AOAH: variants seen among roughly 807,000 people sequenced by gnomAD.
AOAH encodes acyloxyacyl hydrolase (neutrophil).
AOAH carries 64 observed loss-of-function variants against 92.2 expected under a neutral mutation model. The observed-to-expected ratio is 0.69, with a 90% confidence interval of 0.57 to 0.86. The LOEUF (loss-of-function observed/expected upper bound fraction) is 0.86. Ranked by LOEUF, AOAH falls within the 40% of genes least tolerant of loss-of-function variation. The pLI is 0.00. For synonymous variants in AOAH, 263 were observed against 254.5 expected, an observed-to-expected ratio of 1.03 and a Z score of -0.32; for missense variants, 656 against 694.6, an observed-to-expected ratio of 0.94 and a Z score of 0.62.
intron 11 of AOAH, among the ~76,000 whole-genome samples, chr7:36,600,897 T>A (rs1478249266): frequency 6.6e-6 from 1 of 152,200 alleles, no homozygotes; most frequent in Non-Finnish European, 1.5e-5. Context: ...CTTTCTCTTG[T>A]ATGGAGACCG....
At chr7:36,577,519 T>A (rs940666979) in intron 12 of AOAH, among the ~76,000 whole-genome samples, 1 of 152,182 alleles carries the variant, frequency 6.6e-6, no homozygotes, top group African/African-American at 2.4e-5. Flanking sequence ...CTCATATATG[T>A]TGAATCTCTG....
At chr7:36,542,424 T>G (rs1436190034) in intron 15 of AOAH, among the ~76,000 whole-genome samples, 1 of 152,190 alleles carries the variant, frequency 6.6e-6, no homozygotes, top group East Asian at 1.9e-4. Context: ...TAATACAGAT[T>G]GTGAACCAGA....
intron 1 of AOAH, 48 bp downstream of exon 1, chr7:36,723,974 C>G (rs1343166866): frequency 6.3e-7 from 1 of 1,583,448 alleles, no homozygotes; most frequent in African/African-American, 1.4e-5. Context: ...AGTACTGGAT[C>G]CCATTGTTAT....
In AOAH at chr7:36,574,181, G is replaced by A. The variant is rs151327983; in HGVS notation, c.1021+2393C>T. Among the ~76,000 whole-genome samples the A allele has an allele frequency of 5.0e-3, 766 of 152,208 alleles. 6 individuals are homozygous for A. The highest frequency in any genetic ancestry group is 0.018 in the African/African-American group (735 of 41,520). ...CTATTACAGTCTTAGAAAAATAGTC[G>A]AGGATAGTAATACTAGACAAAGTAT... On this transcript the variant is annotated intron_variant, in intron 13 of 20. Transcript: ENST00000617537.
At chr7:36,599,647 T>C (rs898441460) in intron 11 of AOAH, 4 of 152,150 alleles carry the variant, frequency 2.6e-5, no homozygotes, top group African/African-American at 9.7e-5. Context: ...TGGGGGATTG[T>C]TACTTTACCA....
chr7:36,521,390 A>G (rs1784100757), intron 20 of AOAH, among the ~76,000 whole-genome samples: 2 of 152,212 alleles, frequency 1.3e-5, no homozygotes, highest in South Asian at 4.1e-4. Flanking sequence ...CATACAACAG[A>G]TAAAAGTGGA....
intron 11 of AOAH, among the ~76,000 whole-genome samples, chr7:36,597,195 A>G (rs893097092): frequency 1.3e-5 from 2 of 152,174 alleles, no homozygotes; most frequent in Admixed American, 1.3e-4. Flanking sequence ...AAACAACCCC[A>G]TAGAAAGAAA....
chr7:36,599,740 T>A (rs975572326), intron 11 of AOAH: 1 of 152,252 alleles, frequency 6.6e-6, no homozygotes, highest in Non-Finnish European at 1.5e-5. Flanking sequence ...AAGGGCTACC[T>A]GCTTAGCGTT....
intron 15 of AOAH, among the ~76,000 whole-genome samples, chr7:36,543,489 C>A (rs1252174345): frequency 1.3e-5 from 2 of 152,046 alleles, no homozygotes; most frequent in South Asian, 4.1e-4. Flanking sequence ...CACGCTTTGG[C>A]ACAAAGCAAT....
At chr7:36,719,580 A>T (rs1799486344) in intron 1 of AOAH, among the ~76,000 whole-genome samples, 1 of 152,194 alleles carries the variant, frequency 6.6e-6, no homozygotes, top group Admixed American at 6.5e-5. Context: ...ATATCCTTTT[A>T]TGATCAAGGT....
chr7:36,703,868 C>T (rs1798202850), intron 1 of AOAH, among the ~76,000 whole-genome samples: 1 of 152,122 alleles, frequency 6.6e-6, no homozygotes, highest in Non-Finnish European at 1.5e-5. Flanking sequence ...AGTTTTAGAT[C>T]CTTGAGGAAT....
At chr7:36,568,261 C>T (rs1052139072) in intron 13 of AOAH, among the ~76,000 whole-genome samples, 1 of 152,184 alleles carries the variant, frequency 6.6e-6, no homozygotes, top group African/African-American at 2.4e-5. Flanking sequence ...TGTTAAGAGT[C>T]CTTCTCTTCC....
chr7:36,635,315 T>C (rs1793440118), intron 5 of AOAH, among the ~76,000 whole-genome samples: 1 of 152,136 alleles, frequency 6.6e-6, no homozygotes, highest in African/African-American at 2.4e-5. Context: ...CTTCCTGAGC[T>C]TCCCCATGCA....
intron 4 of AOAH, among the ~76,000 whole-genome samples, chr7:36,645,423 G>A (rs528925298): frequency 6.6e-6 from 1 of 152,158 alleles, no homozygotes; most frequent in Non-Finnish European, 1.5e-5. Context: ...ACAGTCTAGG[G>A]TACTTTGTTA....
chr7:36,654,486 T>C (rs1379968356), intron 4 of AOAH, among the ~76,000 whole-genome samples: 1 of 152,128 alleles, frequency 6.6e-6, no homozygotes, highest in African/African-American at 2.4e-5. Flanking sequence ...AGATGATGAA[T>C]AGGGGTTCAC....
rs535463688 is a variant in AOAH at position 36,595,214 on chromosome 7, A to G, written c.847-784T>C. On this transcript the variant is annotated intron_variant, in intron 11 of 20. Transcript: ENST00000617537. ...TTATCTAAATTGGTATGTTTGGAATAGGGCTGCCAGATTTAGCAAATAAAA... is the reference window on the plus strand; with the variant it reads ...TTATCTAAATTGGTATGTTTGGAATGGGGCTGCCAGATTTAGCAAATAAAA... Among the ~76,000 whole-genome samples, 3 of 152,312 alleles carry G rather than the reference A, an allele frequency of 2.0e-5. No individual in the cohort carries two copies. In the East Asian group the frequency reaches 5.8e-4, roughly 29 times the overall value.
rs562962523 is a variant in AOAH at position 36,607,761 on chromosome 7, T to G, written c.846+8619A>C. Among the ~76,000 whole-genome samples the G allele has an allele frequency of 2.6e-5, 4 of 152,344 alleles. No homozygotes were observed. In the South Asian group the frequency reaches 8.3e-4, roughly 32 times the overall value. ...AATGTGGTCCACTTTCTTTGTCTACTTGGCCAGCTTTTCCTTCCTCTTGCT... is the reference window on the plus strand; with the variant it reads ...AATGTGGTCCACTTTCTTTGTCTACGTGGCCAGCTTTTCCTTCCTCTTGCT... On this transcript the variant is annotated intron_variant, in intron 11 of 20. Transcript: ENST00000617537.
chr7:36,623,398 G>T, intron 6 of AOAH, 148 bp from the exon 7 acceptor site: 1 of 691,810 alleles, frequency 1.4e-6, no homozygotes, highest in Non-Finnish European at 2.4e-6. Flanking sequence ...ATCCTGTGTG[G>T]TGTCAGACAG....
chr7:36,552,733 C>T (rs1562561677), intron 13 of AOAH, among the ~76,000 whole-genome samples: 1 of 152,150 alleles, frequency 6.6e-6, no homozygotes, highest in African/African-American at 2.4e-5. Context: ...CCATGCCTCC[C>T]CACCTCTAGT....
Sources: allele counts gnomAD v4.1 joint callset (sites outside exome capture counted in the v4.1 genomes callset), GRCh38; gene constraint gnomAD v4.1.1; transcripts MANE v1.5; gene names NCBI Gene and HGNC (gene_info 2026-07-23, HGNC 2026-07-21).